NIN: variants seen among roughly 807,000 people sequenced by gnomAD.
NIN encodes glycogen synthase kinase 3 beta-interacting protein.
In NIN, 137 loss-of-function variants were observed where a neutral mutation model predicts 257.6. The observed-to-expected ratio is 0.53, with a 90% CI of 0.46 to 0.61. The LOEUF is 0.61. Ranked by LOEUF, NIN falls within the 20% of genes least tolerant of loss-of-function variation. The pLI, the probability that NIN is intolerant of heterozygous loss-of-function variation, is 0.00. For missense variants in NIN, 2,439 were observed against 2,501.2 expected, an observed-to-expected ratio of 0.98 and a Z score of 0.53; for synonymous variants, 918 against 919.8, an observed-to-expected ratio of 1.00 and a Z score of 0.04.
intron 17 of NIN, among the ~76,000 whole-genome samples, chr14:50,759,554 C>T (rs1010864475): frequency 4.0e-5 from 6 of 151,312 alleles, no homozygotes; most frequent in Middle Eastern, 3.2e-3. Context: ...AGTGCAGTAG[C>T]GCGATCTCGG....
chr14:50,793,042 A>G (rs1018409248), intron 4 of NIN, among the ~76,000 whole-genome samples, 161 bp from the exon 5 acceptor site: 3 of 152,154 alleles, frequency 2.0e-5, no homozygotes, highest in Non-Finnish European at 4.4e-5. Context: ...ATCAGGTCAG[A>G]TGCAGAGCAC....
chr14:50,796,836 AG>A (rs60468176), intron 4 of NIN, among the ~76,000 whole-genome samples: 2,254 of 152,198 alleles, frequency 0.015, 47 homozygotes, highest in African/African-American at 0.051. Flanking sequence ...CACTTTTTAA[AG>A]CTCTCCCCTA....
chr14:50,829,129 C>A (rs1449574198), intron 2 of NIN, among the ~76,000 whole-genome samples: 1 of 152,160 alleles, frequency 6.6e-6, no homozygotes, highest in Non-Finnish European at 1.5e-5. Flanking sequence ...GGAAAATAAA[C>A]AAATCTGCAA....
chr14:50,769,979 G>A (rs1021963277), intron 12 of NIN, among the ~76,000 whole-genome samples: 11 of 151,818 alleles, frequency 7.2e-5, no homozygotes, highest in East Asian at 1.9e-4. Context: ...TTTGGAGGCC[G>A]GGAGAAACAG....
rs1227902471 is a variant in NIN, at chr14:50,821,993, T to A, written c.64A>T (p.Thr22Ser). Residue 22 changes from threonine (T) to serine (S), a missense_variant, in exon 3 of 31, where the codon ACG becomes TCG. Thr to Ser is a moderately conservative substitution (Grantham distance 58, BLOSUM62 1). This residue lies in a region of NIN where 387 missense variants were observed against 427.3 expected (regional missense o/e 0.91). Coordinates refer to ENST00000530997, the MANE Select transcript of NIN (RefSeq NM_020921.4). Reference protein sequence around the residue: ...RLKELFDSFDTTGTGSLGQEE... With the variant: ...RLKELFDSFDSTGTGSLGQEE... ...TGCCCCAGGGACCCTGTGCCCGTCG[T>A]GTCAAAACTGTCAAACAGCTCCTTG... 1.2e-6 allele frequency: 2 copies of A among 1,614,170 alleles called. No homozygotes were observed. Among genetic ancestry groups the A allele is most frequent in the African/African-American group, 2.7e-5 (2 of 75,026 alleles).
At chr14:50,804,849 T>G (rs1442975460) in intron 4 of NIN, among the ~76,000 whole-genome samples, 1 of 151,406 alleles carries the variant, frequency 6.6e-6, no homozygotes, top group Non-Finnish European at 1.5e-5. Flanking sequence ...TTTAAGAAAG[T>G]TTACAAATTT....
intron 5 of NIN, among the ~76,000 whole-genome samples, chr14:50,789,810 C>T (rs1476733554): frequency 6.6e-6 from 1 of 152,162 alleles, no homozygotes; most frequent in African/African-American, 2.4e-5. Context: ...ATTGCATGAA[C>T]TTCTATAGGC....
intron 16 of NIN, 135 bp from the exon 17 acceptor site, chr14:50,760,494 T>C: frequency 1.1e-6 from 1 of 947,708 alleles, no homozygotes; most frequent in Admixed American, 3.0e-5. Context: ...TATCTTGTTT[T>C]AAAGTAACTG....
intron 4 of NIN, among the ~76,000 whole-genome samples, chr14:50,798,345 T>C (rs972904212): frequency 1.3e-5 from 2 of 152,190 alleles, no homozygotes; most frequent in African/African-American, 2.4e-5. Flanking sequence ...CAGGGGCTTC[T>C]GGACACAAAA....
At chr14:50,791,211 C>T (rs1196532186) in intron 5 of NIN, among the ~76,000 whole-genome samples, 2 of 152,114 alleles carry the variant, frequency 1.3e-5, no homozygotes, top group East Asian at 1.9e-4. Flanking sequence ...AAAACTATTA[C>T]GAACACTGTA....
intron 7 of NIN, among the ~76,000 whole-genome samples, chr14:50,774,754 G>A (rs1423745993): frequency 1.3e-5 from 2 of 152,220 alleles, no homozygotes; most frequent in Non-Finnish European, 2.9e-5. Flanking sequence ...ACAGCTTCCA[G>A]ACTGCCTAAA....
At chr14:50,731,332 C>T (rs941779011) in intron 28 of NIN, among the ~76,000 whole-genome samples, 14 of 151,796 alleles carry the variant, frequency 9.2e-5, no homozygotes, top group Admixed American at 3.9e-4. Context: ...GAGTTCAAGA[C>T]CAGCCTGTCC....
chr14:50,796,611 C>T (rs1244225834), intron 4 of NIN, among the ~76,000 whole-genome samples: 1 of 152,196 alleles, frequency 6.6e-6, no homozygotes, highest in Non-Finnish European at 1.5e-5. Flanking sequence ...CCACCATGCA[C>T]ATGTATGATG....
chr14:50,773,887 G>A (rs1370654141), intron 7 of NIN, among the ~76,000 whole-genome samples: 1 of 152,176 alleles, frequency 6.6e-6, no homozygotes, highest in African/African-American at 2.4e-5. Flanking sequence ...GCTCCACAGA[G>A]GAATGGGAAG....
chr14:50,829,419 C>T (rs537018337), intron 2 of NIN, among the ~76,000 whole-genome samples: 8 of 152,302 alleles, frequency 5.3e-5, no homozygotes, highest in African/African-American at 1.9e-4. Context: ...ATCATGCAAA[C>T]ATGTGTGTAT....
intron 25 of NIN, among the ~76,000 whole-genome samples, chr14:50,740,646 C>A (rs527805712): frequency 6.6e-6 from 1 of 152,210 alleles, no homozygotes; most frequent in Admixed American, 6.5e-5. Flanking sequence ...CCATGCCTGG[C>A]CATTTTTGTA....
rs917742904 is a variant in NIN, at chr14:50,728,171, T to C, written c.6078+1352A>G. On this transcript the variant is annotated intron_variant, in intron 29 of 30. Transcript: ENST00000530997. ...GAAACAGCAGGCTTTGAAAATAGGG[T>C]GTAAGAGAGCAATGAGAAGAATCTT... Among the ~76,000 whole-genome samples the C allele has an allele frequency of 7.0e-4, 106 of 151,896 alleles. 1 individual carries two copies. The highest frequency in any genetic ancestry group is 7.5e-4 in the Non-Finnish European group (51 of 67,986).
At chr14:50,793,091 A>T (rs918141086) in intron 4 of NIN, among the ~76,000 whole-genome samples, 1 of 152,148 alleles carries the variant, frequency 6.6e-6, no homozygotes, top group Admixed American at 6.5e-5. Context: ...CCGTGAGTAT[A>T]TATCTGCACA....
chr14:50,790,210 C>A (rs1262872124), intron 5 of NIN, among the ~76,000 whole-genome samples: 2 of 152,128 alleles, frequency 1.3e-5, no homozygotes, highest in Non-Finnish European at 2.9e-5. Flanking sequence ...CATGCACCAC[C>A]ATGCTCAGTT....
Sources: gnomAD v4.1 joint callset for allele counts (sites outside exome capture counted in the v4.1 genomes callset) on GRCh38, gnomAD v4.1.1 for gene constraint, gnomAD v4.1.1 regional missense constraint, MANE v1.5 for transcripts, NCBI Gene and HGNC (gene_info 2026-07-23, HGNC 2026-07-21) for gene names.